The following MYO5A variants were observed in gnomAD, a reference collection of about 807,000 sequenced individuals.
MYO5A encodes myosin VA, also known as unconventional myosin-Va.
Under a neutral mutation model 249.7 loss-of-function variants are expected in MYO5A, and 98 were observed. The observed-to-expected ratio is 0.39, with a 90% CI of 0.33 to 0.46. The LOEUF (loss-of-function observed/expected upper bound fraction) is 0.46. MYO5A is among the 20% of genes least tolerant of loss of function. MYO5A has a pLI of 0.98. For missense variants in MYO5A, 1,696 were observed against 2,308.8 expected, an observed-to-expected ratio of 0.73 and a Z score of 5.44; for synonymous variants, 778 against 810.6, an observed-to-expected ratio of 0.96 and a Z score of 0.68.
At chr15:52,508,637 C>A (rs1325988918) in intron 1 of MYO5A, among the ~76,000 whole-genome samples, 1 of 152,134 alleles carries the variant, frequency 6.6e-6, no homozygotes, top group Non-Finnish European at 1.5e-5. Context: ...CCACCCCCTG[C>A]CAAAACATTA....
intron 28 of MYO5A, among the ~76,000 whole-genome samples, chr15:52,349,519 A>G (rs2039834273): frequency 6.6e-6 from 1 of 152,208 alleles, no homozygotes; most frequent in African/African-American, 2.4e-5. Context: ...CAGCTGTCAC[A>G]TGGGGTACGT....
chr15:52,518,028 C>T (rs2077530407), intron 1 of MYO5A, among the ~76,000 whole-genome samples: 1 of 151,902 alleles, frequency 6.6e-6, no homozygotes, highest in East Asian at 1.9e-4. Flanking sequence ...TCTAATTTCC[C>T]AATTAATTTC....
At chr15:52,478,989 T>C (rs2076659041) in intron 1 of MYO5A, among the ~76,000 whole-genome samples, 1 of 152,158 alleles carries the variant, frequency 6.6e-6, no homozygotes. Context: ...TGTAAGTTTT[T>C]ATAAATTTTA....
At position 52,399,698 on chromosome 15, in the gene MYO5A, G is replaced by C. The variant is rs534115611; in HGVS notation, c.1054-2232C>G. Among the ~76,000 whole-genome samples, 6 of 152,044 alleles carry C rather than the reference G, an allele frequency of 3.9e-5. No individual in the cohort carries two copies. The East Asian group carries it at 1.2e-3, about 29-fold the overall frequency. ...TTTAGAATCAGGGGGCACATGTGCA[G>C]CTTTGTGCACATGTACACAATAAAG... On this transcript the variant is annotated intron_variant, in intron 9 of 41. Transcript: ENST00000399233.
Position 52,351,488 on chromosome 15 carries a change from G to T in MYO5A, c.3622-7C>A, listed in dbSNP as rs780161169. On this transcript the variant is annotated splice_region_variant and splice_polypyrimidine_tract_variant and intron_variant, in intron 27 of 41. Transcript: ENST00000399233. ...CTGATTCTAGTTCTTGACGCTGTAT[G>T]AAAAGACAAAGAAAAGTTCATTGCT... The T allele has an allele frequency of 6.2e-7, 1 of 1,612,736 alleles. No homozygotes were observed. The highest frequency in any genetic ancestry group is 2.2e-5 in the East Asian group (1 of 44,886).
chr15:52,403,582 G>C (rs2042856212), intron 9 of MYO5A, among the ~76,000 whole-genome samples: 1 of 152,202 alleles, frequency 6.6e-6, no homozygotes, highest in Non-Finnish European at 1.5e-5. Context: ...AAAGGGTACT[G>C]GGTTTCTTTT....
At chr15:52,418,499 T>C (rs1026362667) in intron 4 of MYO5A, among the ~76,000 whole-genome samples, 4 of 151,940 alleles carry the variant, frequency 2.6e-5, no homozygotes, top group Admixed American at 6.6e-5. Flanking sequence ...TAAGATACTA[T>C]GAAAGTAGAA....
chr15:52,429,340 G>C (rs1280456023), intron 2 of MYO5A, among the ~76,000 whole-genome samples: 1 of 152,048 alleles, frequency 6.6e-6, no homozygotes, highest in Non-Finnish European at 1.5e-5. Context: ...GATTACCTGA[G>C]GTCAGGAGTT....
intron 1 of MYO5A, among the ~76,000 whole-genome samples, chr15:52,506,264 T>C (rs1403563789): frequency 6.6e-6 from 1 of 152,076 alleles, no homozygotes; most frequent in Admixed American, 6.6e-5. Flanking sequence ...GGCAGGAGAA[T>C]GACGTGAACC....
chr15:52,320,830 G>T (rs544147403), intron 38 of MYO5A, among the ~76,000 whole-genome samples: 1 of 152,016 alleles, frequency 6.6e-6, no homozygotes, highest in African/African-American at 2.4e-5. Context: ...TGGCTAACAC[G>T]GTGAAACCCC....
rs560963541 is a variant in MYO5A at position 52,418,374 on chromosome 15, A to G, written c.456-2073T>C. Reference sequence around the variant, plus strand: ...AACAAACACATAATAAGCAGCTACAATGTGCTAATCACTTTATGGAAATAA... The same window carrying G: ...AACAAACACATAATAAGCAGCTACAGTGTGCTAATCACTTTATGGAAATAA... On this transcript the variant is annotated intron_variant, in intron 4 of 41. Coordinates refer to ENST00000399233, the MANE Select transcript of MYO5A (RefSeq NM_001382347.1). 6.6e-5 allele frequency among the ~76,000 whole-genome samples: 10 copies of G among 152,324 alleles called. No homozygotes were observed. In the East Asian group the frequency reaches 1.9e-3, roughly 29 times the overall value.
At chr15:52,528,980 C>A, upstream of MYO5A, 1 of 326,376 alleles carries the variant, frequency 3.1e-6, no homozygotes, top group Non-Finnish European at 4.6e-6. Context: ...AGGCGCTGGC[C>A]GCCCGCAGGG....
chr15:52,430,086 C>T (rs1387436214), intron 2 of MYO5A, among the ~76,000 whole-genome samples: 2 of 152,134 alleles, frequency 1.3e-5, no homozygotes, highest in African/African-American at 4.8e-5. Flanking sequence ...AAAATATATA[C>T]AGAGGTCAAA....
intron 1 of MYO5A, among the ~76,000 whole-genome samples, chr15:52,485,301 C>A (rs374540567): frequency 6.9e-6 from 1 of 144,958 alleles, no homozygotes; most frequent in Non-Finnish European, 1.5e-5. Flanking sequence ...GGTGATTAAT[C>A]ACTTCTAATG....
At chr15:52,398,967 T>C (rs34660633) in intron 9 of MYO5A, among the ~76,000 whole-genome samples, 31,446 of 150,026 alleles carry the variant, frequency 0.21, 3,598 homozygotes, top group African/African-American at 0.3. Flanking sequence ...CCAGCCTGGG[T>C]GACAGAGCGA....
In MYO5A at chr15:52,390,843, G is replaced by A. The variant is rs552212872; in HGVS notation, c.1542+1087C>T. Among the ~76,000 whole-genome samples the A allele has an allele frequency of 2.6e-5, 4 of 152,134 alleles. No homozygotes were observed. The South Asian group carries it at 8.3e-4, about 32-fold the overall frequency. On this transcript the variant is annotated intron_variant, in intron 12 of 41. Transcript: ENST00000399233. ...CAAAGTGCTGGGATTACAGATATAA[G>A]CCCATCATGCCCGGCCTTCTTTAAC... is the stretch of plus-strand genomic sequence containing the variant.
intron 1 of MYO5A, among the ~76,000 whole-genome samples, chr15:52,477,187 C>T (rs1250439536): frequency 1.3e-5 from 2 of 152,166 alleles, no homozygotes; most frequent in Non-Finnish European, 2.9e-5. Context: ...ATCAAATTGG[C>T]TACTGAAGCT....
intron 35 of MYO5A, among the ~76,000 whole-genome samples, chr15:52,328,223 G>C (rs1472835813): frequency 1.3e-5 from 2 of 152,126 alleles, no homozygotes; most frequent in African/African-American, 2.4e-5. Flanking sequence ...CTCCTGCGCT[G>C]ACTTTTCCCT....
chr15:52,523,142 T>C (rs181839429), intron 1 of MYO5A, among the ~76,000 whole-genome samples: 51 of 152,350 alleles, frequency 3.3e-4, no homozygotes, highest in South Asian at 6.2e-4. Flanking sequence ...ATACTACTCC[T>C]GCTCCTTCCC....
Sources: gnomAD v4.1 joint callset for allele counts (sites outside exome capture counted in the v4.1 genomes callset) on GRCh38, gnomAD v4.1.1 for gene constraint, MANE v1.5 for transcripts, NCBI Gene and HGNC (gene_info 2026-07-23, HGNC 2026-07-21) for gene names.